The following M1AP variants were observed in gnomAD, a reference collection of about 807,000 sequenced individuals.
M1AP encodes meiosis 1 associated protein, also known as meiosis 1 arrest protein.
M1AP carries 39 observed loss-of-function variants against 51.2 expected under a neutral mutation model. The ratio of observed to expected loss-of-function variants is 0.76; its 90% CI spans 0.59 to 1.00. The LOEUF is 1.00. M1AP is among the 50% of genes least tolerant of loss of function. The pLI, the probability that M1AP is intolerant of heterozygous loss-of-function variation, is 0.00. For missense variants in M1AP, 545 were observed against 641.2 expected, an observed-to-expected ratio of 0.85 and a Z score of 1.62; for synonymous variants, 251 against 249.2, an observed-to-expected ratio of 1.01 and a Z score of -0.07.
chr2:74,575,286 T>C lies in M1AP; in HGVS notation c.1074+152A>G, dbSNP rs1678990566. On this transcript the variant is annotated intron_variant, in intron 7 of 10. Coordinates refer to ENST00000421985, the MANE Select transcript of M1AP (RefSeq NM_001321739.2). ...CATGAAACCAACAAAAGGCAAGTCA[T>C]ATTTACTCCAAATTTCAGAGTATTT... The C allele has an allele frequency of 2.8e-6, 4 of 1,446,014 alleles. No homozygotes were observed. In the South Asian group the frequency reaches 5.8e-5, roughly 21 times the overall value. The allele number at this position is 1,446,014 out of a possible 1,614,324, so 89.6% of individuals were successfully genotyped here. A position where few individuals can be genotyped will look rare whatever the true frequency, so the allele number is the denominator to read the frequency against.
chr2:74,634,140 C>A (rs1159843042), intron 2 of M1AP, among the ~76,000 whole-genome samples: 1 of 152,092 alleles, frequency 6.6e-6, no homozygotes, highest in Non-Finnish European at 1.5e-5. Flanking sequence ...TAGCATGATG[C>A]CATGTATGCA....
At chr2:74,563,606 T>TAAAA (rs750014043) in intron 7 of M1AP, among the ~76,000 whole-genome samples, 5 of 54,626 alleles carry the variant, frequency 9.2e-5, no homozygotes, top group Admixed American at 2.2e-4. Context: ...TCTCAAAACA[T>TAAAA]AAAAAAAAAA....
At chr2:74,561,212 AG>A (rs139258375) in intron 8 of M1AP, among the ~76,000 whole-genome samples, 273 of 136,748 alleles carry the variant, frequency 2.0e-3, no homozygotes, top group African/African-American at 7.2e-3. Flanking sequence ...GAGGAGGAGG[AG>A]GAGAAGGAGG....
intron 2 of M1AP, among the ~76,000 whole-genome samples, chr2:74,623,681 AT>A (rs1216253236): frequency 6.6e-6 from 1 of 151,900 alleles, no homozygotes; most frequent in Non-Finnish European, 1.5e-5. Context: ...AAACTAATTA[AT>A]TTTTTTTGAG....
chr2:74,623,740 T>C (rs1682209033), intron 2 of M1AP, among the ~76,000 whole-genome samples: 1 of 152,204 alleles, frequency 6.6e-6, no homozygotes, highest in South Asian at 2.1e-4. Context: ...GGCGTGATCA[T>C]GATTCACTGC....
chr2:74,610,004 A>ATT lies in M1AP; in HGVS notation c.427-2783_427-2782dup, dbSNP rs200540345. 1.5e-3 allele frequency among the ~76,000 whole-genome samples: 214 copies of ATT among 145,938 alleles called. 1 individual carries two copies. The highest frequency in any genetic ancestry group is 5.1e-3 in the African/African-American group (204 of 40,276). ...ATTCTGTAGGCTCTTACTTCACTCTATTTTTTTTTTTGAGACAGGGTCTCA... is the reference window on the plus strand; with the variant it reads ...ATTCTGTAGGCTCTTACTTCACTCTATTTTTTTTTTTTTGAGACAGGGTCTCA... On this transcript the variant is annotated intron_variant, in intron 3 of 10. Transcript: ENST00000421985.
rs200380263 is a variant in M1AP, at chr2:74,581,825, G to T, written c.618C>A (p.Asp206Glu). ...CATTGTCTATAGTCTGAAGGTCAAT[G>T]TCAGTTCCCAGAATAGAACTCTCTG... Reference protein sequence around the residue: ...SNDESSILGTDIDLQTIDNDI... With the variant: ...SNDESSILGTEIDLQTIDNDI... The change falls in exon 5 of 11, where the codon GAC becomes GAA. Residue 206 changes from aspartate to glutamate, a missense_variant. Transcript: ENST00000421985. The T allele has an allele frequency of 6.2e-7, 1 of 1,613,716 alleles. No homozygotes were observed. The highest frequency in any genetic ancestry group is 1.3e-5 in the African/African-American group (1 of 75,028).
In M1AP at chr2:74,596,519, T is replaced by C. The variant is rs961751187; in HGVS notation, c.595+10536A>G. Among the ~76,000 whole-genome samples, 7 of 151,922 alleles carry C rather than the reference T, an allele frequency of 4.6e-5. No homozygotes were observed. In the South Asian group the frequency reaches 6.2e-4, roughly 14 times the overall value. Reference sequence around the variant, plus strand: ...ATGGTGTGAACCTGGGAGGTGGAGCTTGCAGTGAGCCGAGATCACGCCACT... The same window carrying C: ...ATGGTGTGAACCTGGGAGGTGGAGCCTGCAGTGAGCCGAGATCACGCCACT... On this transcript the variant is annotated intron_variant, in intron 4 of 10. Coordinates refer to ENST00000421985, the MANE Select transcript of M1AP (RefSeq NM_001321739.2).
At chr2:74,561,863 C>A in intron 8 of M1AP, 1 of 984,546 alleles carries the variant, frequency 1.0e-6, no homozygotes, top group African/African-American at 1.7e-5. Context: ...GCTCCCTTTT[C>A]TCCTTCACAG....
intron 3 of M1AP, among the ~76,000 whole-genome samples, chr2:74,608,750 G>A (rs1253954624): frequency 6.6e-6 from 1 of 152,238 alleles, no homozygotes; most frequent in Non-Finnish European, 1.5e-5. Flanking sequence ...AGCATTTGGT[G>A]TTGTCAGTGT....
chr2:74,589,885 T>C (rs1456665626), intron 4 of M1AP, among the ~76,000 whole-genome samples: 1 of 152,256 alleles, frequency 6.6e-6, no homozygotes, highest in Admixed American at 6.5e-5. Context: ...TCCAATCTTT[T>C]GGCTTCCCTG....
At position 74,640,020 on chromosome 2, in the gene M1AP, A is replaced by T. The variant is rs1683199292; in HGVS notation, c.240+16T>A. ...TTTGCTTTCAGGGTAAAATGAATAA[A>T]TATAGATATACTTACCACAAAAGGG... On this transcript the variant is annotated intron_variant, in intron 2 of 10. Coordinates refer to ENST00000421985, the MANE Select transcript of M1AP (RefSeq NM_001321739.2). 1 of 1,606,038 alleles carries T rather than the reference A, an allele frequency of 6.2e-7. No individual in the cohort carries two copies.
At chr2:74,617,344 C>T (rs1573154098) in intron 2 of M1AP, among the ~76,000 whole-genome samples, 2 of 152,308 alleles carry the variant, frequency 1.3e-5, no homozygotes, top group South Asian at 2.1e-4. Flanking sequence ...GCCACAACTT[C>T]GGACTAAGCT....
At chr2:74,570,626 T>C (rs1678676365) in intron 7 of M1AP, among the ~76,000 whole-genome samples, 1 of 152,156 alleles carries the variant, frequency 6.6e-6, no homozygotes. Flanking sequence ...TCTTTCAGGA[T>C]AGGGTAGGAT....
Position 74,647,228 on chromosome 2 carries a change from C to A in M1AP, c.-53+1037G>T, listed in dbSNP as rs1683662688. On this transcript the variant is annotated intron_variant, in intron 1 of 10. Coordinates refer to ENST00000421985, the MANE Select transcript of M1AP (RefSeq NM_001321739.2). ...CTGCTTGTGCCTTCTGCCCAACTCT[C>A]CATCCTCACACTAGGCCCTCCCCTG... 4.1e-6 allele frequency: 4 copies of A among 985,266 alleles called. No homozygotes were observed. The South Asian group carries it at 1.4e-4, about 35-fold the overall frequency. The allele number at this position is 985,266 out of a possible 1,614,324, so 61.0% of individuals were successfully genotyped here.
intron 2 of M1AP, among the ~76,000 whole-genome samples, chr2:74,637,500 A>G (rs962274817): frequency 9.2e-5 from 14 of 152,232 alleles, no homozygotes; most frequent in African/African-American, 2.9e-4. Flanking sequence ...GTCAGACAGT[A>G]TGAATTTTAC....
chr2:74,632,281 C>G (rs1052908881), intron 2 of M1AP, among the ~76,000 whole-genome samples: 1 of 152,208 alleles, frequency 6.6e-6, no homozygotes, highest in African/African-American at 2.4e-5. Context: ...GCACTGCAGT[C>G]TCTGTAGGGA....
intron 2 of M1AP, among the ~76,000 whole-genome samples, chr2:74,622,307 T>C (rs530186476): frequency 4.6e-5 from 7 of 152,150 alleles, no homozygotes; most frequent in African/African-American, 1.7e-4. Flanking sequence ...TGGCACGATC[T>C]TGGCTCACTG....
At chr2:74,641,040 G>A (rs1683269371) in intron 1 of M1AP, among the ~76,000 whole-genome samples, 2 of 152,326 alleles carry the variant, frequency 1.3e-5, no homozygotes, top group South Asian at 4.1e-4. Flanking sequence ...CCTAGCATAT[G>A]TGTGTTTAGT....
Sources: allele counts gnomAD v4.1 joint callset (sites outside exome capture counted in the v4.1 genomes callset), GRCh38; gene constraint gnomAD v4.1.1; transcripts MANE v1.5; gene names NCBI Gene and HGNC (gene_info 2026-07-23, HGNC 2026-07-21).